The following PDE4D variants were observed in gnomAD, a reference collection of about 807,000 sequenced individuals.
The protein encoded by PDE4D is phosphodiesterase 4D, also known as 3',5'-cyclic-AMP phosphodiesterase 4D.
PDE4D carries 24 observed loss-of-function variants against 87.4 expected under a neutral mutation model. The observed-to-expected ratio is 0.27, with a 90% CI of 0.20 to 0.39. PDE4D has a LOEUF of 0.39. Among genes scored for constraint, PDE4D ranks in the 10% least tolerant of loss-of-function variants. The pLI, the probability that PDE4D is intolerant of heterozygous loss-of-function variation, is 1.00. For synonymous variants in PDE4D, 384 were observed against 383.2 expected (o/e 1.00, Z -0.02); for missense variants, 714 against 1,041.0 (o/e 0.69, Z 4.32).
At chr5:59,984,736 C>T (rs1289124742) in intron 3 of PDE4D, among the ~76,000 whole-genome samples, 2 of 152,112 alleles carry the variant, frequency 1.3e-5, no homozygotes, top group African/African-American at 2.4e-5. Flanking sequence ...ACTAATGATT[C>T]TCAGGGCCAT....
chr5:59,085,369 TCA>T (rs1202075273), intron 5 of PDE4D, among the ~76,000 whole-genome samples: 3 of 152,164 alleles, frequency 2.0e-5, no homozygotes, highest in Admixed American at 1.3e-4. Context: ...ATACACACTC[TCA>T]CACACAGAGA....
At chr5:59,661,907 A>C (rs1745309474) in intron 1 of PDE4D, among the ~76,000 whole-genome samples, 1 of 152,132 alleles carries the variant, frequency 6.6e-6, no homozygotes, top group African/African-American at 2.4e-5. Flanking sequence ...GCTATTATAG[A>C]CTATATTATT....
chr5:60,219,501 C>G (rs1197960463), intron 1 of PDE4D, among the ~76,000 whole-genome samples: 2 of 152,176 alleles, frequency 1.3e-5, no homozygotes, highest in African/African-American at 2.4e-5. Context: ...TGCTCCACGT[C>G]AGATACGTGG....
At chr5:60,225,454 GA>G (rs34512778) in intron 1 of PDE4D, among the ~76,000 whole-genome samples, 30,892 of 147,448 alleles carry the variant, frequency 0.21, 4,256 homozygotes, top group East Asian at 0.66. Context: ...GGGATTGCAT[GA>G]AAAAAAAAAA....
chr5:60,406,995 T>C (rs1041711967), intron 1 of PDE4D, among the ~76,000 whole-genome samples: 2 of 151,962 alleles, frequency 1.3e-5, no homozygotes, highest in African/African-American at 2.4e-5. Flanking sequence ...CACCGAAATG[T>C]GACTGAAATT....
chr5:59,019,617 C>G (rs1414694536), intron 6 of PDE4D, among the ~76,000 whole-genome samples: 5 of 152,150 alleles, frequency 3.3e-5, no homozygotes, highest in Non-Finnish European at 7.4e-5. Flanking sequence ...ATGAATACCC[C>G]ATCCTACCCT....
chr5:59,988,805 G>T (rs997524737), intron 2 of PDE4D: 6 of 663,756 alleles, frequency 9.0e-6, no homozygotes, highest in East Asian at 7.9e-5. Context: ...TCCTGGGAAA[G>T]AAATTAAGTA....
chr5:59,051,127 T>G (rs1761479941), intron 5 of PDE4D, among the ~76,000 whole-genome samples: 1 of 152,222 alleles, frequency 6.6e-6, no homozygotes, highest in Non-Finnish European at 1.5e-5. Context: ...ATCCCAGCAC[T>G]CTGGGAGGCT....
intron 5 of PDE4D, among the ~76,000 whole-genome samples, chr5:59,171,807 TATATA>T (rs36027270): frequency 0.24 from 31,938 of 135,594 alleles, 4,085 homozygotes; most frequent in African/African-American, 0.28. Context: ...ATATATTAAA[TATATA>T]ATATAATTAT....
intron 1 of PDE4D, among the ~76,000 whole-genome samples, chr5:60,429,079 A>G (rs1743968226): frequency 6.6e-6 from 1 of 152,218 alleles, no homozygotes. Context: ...AATTTGTATG[A>G]TAAATGTTAT....
At chr5:59,369,469 G>A (rs1783605744) in intron 1 of PDE4D, among the ~76,000 whole-genome samples, 1 of 152,172 alleles carries the variant, frequency 6.6e-6, no homozygotes, top group Admixed American at 6.5e-5. Context: ...GAGGCAGGAA[G>A]GCGATTCTAG....
intron 5 of PDE4D, chr5:59,157,161 A>ATT: frequency 1.7e-6 from 1 of 574,874 alleles, no homozygotes; most frequent in Admixed American, 3.2e-5. Flanking sequence ...TTGCTTCACA[A>ATT]TTTTTTTTTC....
chr5:59,219,979 G>T lies in PDE4D; in HGVS notation c.456-4011C>A, dbSNP rs553543690. On this transcript the variant is annotated intron_variant, in intron 1 of 14. Transcript: ENST00000340635. The stretch of plus-strand genomic sequence containing the variant: ...ACATTTAGTGTCTGGCTAAATTTGA[G>T]GCTTGGTATTAAAGAATAGTGGGGA... Among the ~76,000 whole-genome samples, 16 of 152,116 alleles carry T rather than the reference G, an allele frequency of 1.1e-4. No individual in the cohort carries two copies. In the South Asian group the frequency reaches 2.7e-3, roughly 26 times the overall value.
intron 1 of PDE4D, among the ~76,000 whole-genome samples, chr5:60,436,296 A>G (rs72755122): frequency 6.8e-4 from 103 of 152,232 alleles, no homozygotes; most frequent in Admixed American, 7.9e-4. Context: ...TATGAAACCA[A>G]TAGCCCAGAA....
chr5:60,458,171 G>A (rs1350846461), intron 1 of PDE4D, among the ~76,000 whole-genome samples: 1 of 151,994 alleles, frequency 6.6e-6, no homozygotes, highest in Non-Finnish European at 1.5e-5. Context: ...GATCACTTGA[G>A]GCCAGGATTT....
chr5:60,022,875 C>G (rs1214937364), intron 2 of PDE4D, among the ~76,000 whole-genome samples: 1 of 152,052 alleles, frequency 6.6e-6, no homozygotes, highest in African/African-American at 2.4e-5. Context: ...ATTACATTGT[C>G]TCTCTCTCTT....
intron 1 of PDE4D, among the ~76,000 whole-genome samples, chr5:60,437,433 T>C (rs1236613623): frequency 6.6e-6 from 1 of 152,126 alleles, no homozygotes; most frequent in East Asian, 1.9e-4. Flanking sequence ...AAATAAAGCC[T>C]ATTGTTTCAC....
chr5:59,049,756 A>G (rs1365381401), intron 5 of PDE4D, among the ~76,000 whole-genome samples: 1 of 152,218 alleles, frequency 6.6e-6, no homozygotes, highest in Non-Finnish European at 1.5e-5. Flanking sequence ...CAAGTTAAGA[A>G]TACTTTCCTG....
intron 2 of PDE4D, among the ~76,000 whole-genome samples, chr5:60,060,903 A>G (rs934077367): frequency 4.3e-4 from 65 of 152,208 alleles, no homozygotes; most frequent in African/African-American, 1.5e-3. Context: ...AAAACTCTCA[A>G]TAAACTAGAT....
Sources: gnomAD v4.1 joint callset for allele counts (sites outside exome capture counted in the v4.1 genomes callset) on GRCh38, gnomAD v4.1.1 for gene constraint, MANE v1.5 for transcripts, NCBI Gene and HGNC (gene_info 2026-07-23, HGNC 2026-07-21) for gene names.